DRAP1: variants seen among roughly 807,000 people sequenced by gnomAD.
DRAP1 encodes the protein DR1 associated protein 1, also known as dr1-associated corepressor.
DRAP1 carries 10 observed loss-of-function variants against 24.1 expected under a neutral mutation model. The observed-to-expected ratio is 0.41, with a 90% CI of 0.26 to 0.70. The LOEUF is 0.70. Ranked by LOEUF, DRAP1 falls within the 30% of genes least tolerant of loss-of-function variation. DRAP1 has a pLI of 0.29. For synonymous variants in DRAP1, 122 were observed against 113.8 expected, an observed-to-expected ratio of 1.07 and a Z score of -0.46; for missense variants, 264 against 275.6, an observed-to-expected ratio of 0.96 and a Z score of 0.30.
chr11:65,920,221 A>AGGCCCGGGAGCGGAGATCGGCCCG lies in DRAP1; in HGVS notation c.210-118_210-95dup, dbSNP rs1190618939. 4.6e-6 allele frequency: 7 copies of AGGCCCGGGAGCGGAGATCGGCCCG among 1,507,516 alleles called. No homozygotes were observed. In the African/African-American group the frequency reaches 8.3e-5, roughly 18 times the overall value. The allele number at this position is 1,507,516 out of a possible 1,614,324, so 93.4% of individuals were successfully genotyped here. On this transcript the variant is annotated intron_variant, in intron 3 of 6. Coordinates refer to ENST00000312515, the MANE Select transcript of DRAP1 (RefSeq NM_006442.4). ...GGGAGCCACCTGAGTAAAGCAGGGC[A>AGGCCCGGGAGCGGAGATCGGCCCG]GGCCCGGGAGCGGAGATCGGCCCGG...
intron 1 of DRAP1, 66 bp downstream of exon 1, chr11:65,919,609 C>T (rs1487263338): frequency 6.5e-7 from 1 of 1,544,656 alleles, no homozygotes; most frequent in Non-Finnish European, 8.7e-7. Context: ...CCAGTTCCCG[C>T]TGGGCAGGCG....
chr11:65,920,877 C>T lies in DRAP1; in HGVS notation c.424-7C>T, dbSNP rs777698320. 1 of 1,610,450 alleles carries T rather than the reference C, an allele frequency of 6.2e-7. No individual in the cohort carries two copies. Among genetic ancestry groups the T allele is most frequent in the African/African-American group, 1.3e-5 (1 of 74,794 alleles). On this transcript the variant is annotated splice_region_variant and splice_polypyrimidine_tract_variant and intron_variant, in intron 5 of 6. Coordinates refer to ENST00000312515, the MANE Select transcript of DRAP1 (RefSeq NM_006442.4). ...CTTGTCAACTCTGACCTCTGCGGTG[C>T]TCACAGGATGAATCTGAGGACACAG... is the stretch of plus-strand genomic sequence containing the variant.
rs371442607 is a variant in DRAP1, at chr11:65,921,322, C to T, written c.513-8C>T. The T allele has an allele frequency of 5.7e-6, 9 of 1,570,162 alleles. No individual in the cohort carries two copies. The highest frequency in any genetic ancestry group is 7.9e-6 in the Non-Finnish European group (9 of 1,141,882). On this transcript the variant is annotated splice_polypyrimidine_tract_variant and splice_region_variant and intron_variant, in intron 6 of 6. Coordinates refer to ENST00000312515, the MANE Select transcript of DRAP1 (RefSeq NM_006442.4). ...AGGCCTGACTCTCTCCTGCCTTCTG[C>T]CCTGCAGCCCCCCGACACCCTTCCT...
rs1030422781 is a variant in DRAP1 at position 65,921,526 on chromosome 11, A to T, written c.*91A>T. On this transcript the variant is annotated 3_prime_UTR_variant, in exon 7 of 7. Transcript: ENST00000312515. ...AGGTAGAGCTGTTCTTAAATTTATTAAAAAAAAAAATAAAAGGGAATCTCA... is the reference window on the plus strand; with the variant it reads ...AGGTAGAGCTGTTCTTAAATTTATTTAAAAAAAAAATAAAAGGGAATCTCA... The T allele has an allele frequency of 7.2e-5, 30 of 417,600 alleles. No homozygotes were observed. The highest frequency in any genetic ancestry group is 1.7e-4 in the African/African-American group (8 of 46,702). 25.9% of individuals were successfully genotyped at this position (417,600 alleles called of 1,614,324 possible). A position where few individuals can be genotyped will look rare whatever the true frequency, so the allele number is the denominator to read the frequency against.
chr11:65,919,460 G>C lies in DRAP1; in HGVS notation c.-42G>C. The stretch of plus-strand genomic sequence containing the variant: ...GCAGGCCCGGGAGCCGGGAGGCTGC[G>C]GGCGGCGGCGCTGGACCCGACGCGG... On this transcript the variant is annotated 5_prime_UTR_variant, in exon 1 of 7. Coordinates refer to ENST00000312515, the MANE Select transcript of DRAP1 (RefSeq NM_006442.4). 2 of 1,516,162 alleles carry C rather than the reference G, an allele frequency of 1.3e-6. No individual in the cohort carries two copies. The highest frequency in any genetic ancestry group is 1.8e-6 in the Non-Finnish European group (2 of 1,133,370). 93.9% of individuals were successfully genotyped at this position (1,516,162 alleles called of 1,614,324 possible). A position where few individuals can be genotyped will look rare whatever the true frequency, so the allele number is the denominator to read the frequency against.
chr11:65,920,027 G>T lies in DRAP1; in HGVS notation c.195G>T (p.Met65Ile). 1.2e-6 allele frequency: 2 copies of T among 1,613,512 alleles called. No individual in the cohort carries two copies. The highest frequency in any genetic ancestry group is 1.7e-5 in the Admixed American group (1 of 60,010). ...QVTQSRNAKTMTTSHLKQCIE... is the reference protein window; with the variant it reads ...QVTQSRNAKTITTSHLKQCIE... ...CCCAGTCGCGGAACGCGAAGACCATGACCACATCCCACCTGTGAGCGGCGA... is the reference window on the plus strand; with the variant it reads ...CCCAGTCGCGGAACGCGAAGACCATTACCACATCCCACCTGTGAGCGGCGA... Residue 65 changes from methionine (M) to isoleucine (I), a missense_variant, in exon 3 of 7, where the codon ATG becomes ATT. Coordinates refer to ENST00000312515, the MANE Select transcript of DRAP1 (RefSeq NM_006442.4).
Position 65,920,588 on chromosome 11 carries a change from G to T in DRAP1, c.349G>T (p.Gly117Cys). 1 of 1,584,770 alleles carries T rather than the reference G, an allele frequency of 6.3e-7. No homozygotes were observed. Among genetic ancestry groups the T allele is most frequent in the South Asian group, 1.1e-5 (1 of 87,648 alleles). ...CCAAAGGGGCCGGAAGCCAGGCAGCGGCGGCCGGAAGAACGGTGGGATGGG... is the reference window on the plus strand; with the variant it reads ...CCAAAGGGGCCGGAAGCCAGGCAGCTGCGGCCGGAAGAACGGTGGGATGGG... ...GARRGRKPGS[G>C]GRKNGGMGTK... The change falls in exon 5 of 7, where the codon GGC (glycine) becomes TGC (cysteine). Residue 117 changes from glycine (G) to cysteine (C), a missense_variant. Coordinates refer to ENST00000312515, the MANE Select transcript of DRAP1 (RefSeq NM_006442.4).
chr11:65,921,410 A>C lies in DRAP1; in HGVS notation c.593A>C (p.Glu198Ala). 1 of 1,609,448 alleles carries C rather than the reference A, an allele frequency of 6.2e-7. No individual in the cohort carries two copies. The highest frequency in any genetic ancestry group is 8.5e-7 in the Non-Finnish European group (1 of 1,175,954). Residue 198 changes from glutamate to alanine, a missense_variant, in exon 7 of 7, where the codon GAG (glutamate) becomes GCG (alanine). By Grantham distance (107) the Glu-to-Ala change is moderately radical (BLOSUM62 -1). Coordinates refer to ENST00000312515, the MANE Select transcript of DRAP1 (RefSeq NM_006442.4). ...CCGGGCCCCTCAGCACCTGATGAAGAGGACGAAGAAGATTACGACTCCTAG... is the reference window on the plus strand; with the variant it reads ...CCGGGCCCCTCAGCACCTGATGAAGCGGACGAAGAAGATTACGACTCCTAG... ...APPGPSAPDEEDEEDYDS is the reference protein window; with the variant it reads ...APPGPSAPDEADEEDYDS
Position 65,921,450 on chromosome 11 carries a change from C to CA in DRAP1, c.*16dup. ...ACGACTCCTAGCGCCTTCTGCCCCC[C>CA]AGACCATAGCCCCTTTTAGTTGGTT... On this transcript the variant is annotated 3_prime_UTR_variant, in exon 7 of 7. Transcript: ENST00000312515. 2.9e-6 allele frequency: 4 copies of CA among 1,394,326 alleles called. No homozygotes were observed. The highest frequency in any genetic ancestry group is 4.1e-6 in the Non-Finnish European group (4 of 981,530). The allele number at this position is 1,394,326 out of a possible 1,614,324, so 86.4% of individuals were successfully genotyped here.
chr11:65,920,111 G>T (rs939497503), intron 3 of DRAP1, 70 bp downstream of exon 3: 16 of 1,561,012 alleles, frequency 1.0e-5, no homozygotes, highest in Admixed American at 3.7e-5. Flanking sequence ...GGAAGGCAGA[G>T]CCTGGGTGGC....
At position 65,920,552 on chromosome 11, in the gene DRAP1, A is replaced by G. The variant is rs2134834079; in HGVS notation, c.330-17A>G. The G allele has an allele frequency of 1.2e-6, 2 of 1,603,592 alleles. No homozygotes were observed. Among genetic ancestry groups the G allele is most frequent in the Non-Finnish European group, 1.7e-6 (2 of 1,174,640 alleles). On this transcript the variant is annotated splice_polypyrimidine_tract_variant and intron_variant, in intron 4 of 6. Transcript: ENST00000312515. ...AGTAGGGAGCACTCCGGGCAGATGG[A>G]CTGTACCTTCCCAAAGGGGCCGGAA... is the stretch of plus-strand genomic sequence containing the variant.
intron 4 of DRAP1, 34 bp from the exon 5 acceptor site, chr11:65,920,535 G>A (rs769879396): frequency 1.9e-6 from 3 of 1,607,272 alleles, no homozygotes; most frequent in Non-Finnish European, 2.6e-6. Context: ...GGAGTAGGGA[G>A]CACTCCGGGC....
chr11:65,921,150 T>A, intron 6 of DRAP1, 178 bp downstream of exon 6: 1 of 664,610 alleles, frequency 1.5e-6, no homozygotes. Context: ...TGCTCCACCC[T>A]GCCAGGGCCC....
rs769532800 is a variant in DRAP1, at chr11:65,920,898, C to A, written c.438C>A (p.Asp146Glu). ...TDSEQEDESE[D>E]TDTDGEEETS... ...GGTGCTCACAGGATGAATCTGAGGACACAGATACTGATGGGGAAGAGGAGA... is the reference window on the plus strand; with the variant it reads ...GGTGCTCACAGGATGAATCTGAGGAAACAGATACTGATGGGGAAGAGGAGA... The change falls in exon 6 of 7, where the codon GAC (aspartate) becomes GAA (glutamate). Residue 146 changes from aspartate (D) to glutamate (E), a missense_variant. Around this residue, in one of 2 missense-constraint regions of DRAP1, gnomAD observed 243 missense variants for 233.6 expected, o/e 1.04. Transcript: ENST00000312515. The A allele has an allele frequency of 6.8e-6, 11 of 1,613,152 alleles. No homozygotes were observed. The highest frequency in any genetic ancestry group is 8.5e-6 in the Non-Finnish European group (10 of 1,179,504).
At chr11:65,920,068 C>A (rs370004144) in intron 3 of DRAP1, 27 bp downstream of exon 3, 1 of 1,608,038 alleles carries the variant, frequency 6.2e-7, no homozygotes, top group Non-Finnish European at 8.5e-7. Flanking sequence ...CGGGAGGGGC[C>A]GGCGGGTTTG....
Position 65,919,767 on chromosome 11 carries a change from C to G in DRAP1, c.43-13C>G. The G allele has an allele frequency of 6.2e-7, 1 of 1,612,802 alleles. No homozygotes were observed. The highest frequency in any genetic ancestry group is 8.5e-7 in the Non-Finnish European group (1 of 1,179,930). ...GTGGCGACGGGGTCTGAACTCTGCT[C>G]CCCCACCCGCAGGCGCGGATCAAGA... On this transcript the variant is annotated splice_polypyrimidine_tract_variant and intron_variant, in intron 1 of 6. Transcript: ENST00000312515.
intron 4 of DRAP1, 30 bp from the exon 5 acceptor site, chr11:65,920,539 T>C (rs1414302207): frequency 1.9e-6 from 3 of 1,607,270 alleles, no homozygotes; most frequent in Non-Finnish European, 2.6e-6. Context: ...TAGGGAGCAC[T>C]CCGGGCAGAT....
At chr11:65,920,092 A>G in intron 3 of DRAP1, 51 bp downstream of exon 3, 1 of 1,590,260 alleles carries the variant, frequency 6.3e-7, no homozygotes, top group Non-Finnish European at 8.6e-7. Context: ...CGGGGAGTTC[A>G]CACACTGAGG....
chr11:65,919,635 TC>T, intron 1 of DRAP1, 92 bp downstream of exon 1: 2 of 1,535,752 alleles, frequency 1.3e-6, no homozygotes, highest in Non-Finnish European at 1.8e-6. Flanking sequence ...GCCGCGGTGT[TC>T]GGGGGCCTGG....
Sources: gnomAD v4.1 joint callset for allele counts on GRCh38, gnomAD v4.1.1 for gene constraint, gnomAD v4.1.1 regional missense constraint, MANE v1.5 for transcripts, NCBI Gene and HGNC (gene_info 2026-07-23, HGNC 2026-07-21) for gene names.